COPS4: variants seen among roughly 807,000 people sequenced by gnomAD.
The protein encoded by COPS4 is COP9 signalosome subunit 4, also known as COP9 signalosome complex subunit 4.
A neutral mutation model predicts 55.1 loss-of-function variants in COPS4; 8 were observed. The observed-to-expected ratio is 0.15, with a 90% confidence interval of 0.09 to 0.26. COPS4 has a LOEUF of 0.26. COPS4 is among the 10% of genes least tolerant of loss of function. COPS4 has a pLI of 1.00. For missense variants in COPS4, 248 were observed against 484.0 expected (o/e 0.51, Z 4.58); for synonymous variants, 185 against 165.7 (o/e 1.12, Z -0.90).
chr4:83,053,516 C>G (rs1730939202), intron 4 of COPS4, among the ~76,000 whole-genome samples: 1 of 151,952 alleles, frequency 6.6e-6, no homozygotes, highest in Admixed American at 6.6e-5. Flanking sequence ...GTTTGAGATA[C>G]TAGAGAAAAT....
At position 83,075,530 on chromosome 4, in the gene COPS4, A is replaced by G. The variant is rs1188220889; in HGVS notation, c.*100A>G. ...TTGCATCATGACCTTATACATTTCA[A>G]TCCCTTTTATGCTGGATTCCGTTTA... On this transcript the variant is annotated 3_prime_UTR_variant, in exon 10 of 10. Coordinates refer to ENST00000264389, the MANE Select transcript of COPS4 (RefSeq NM_016129.3). 1.5e-6 allele frequency: 2 copies of G among 1,330,376 alleles called. No individual in the cohort carries two copies. The highest frequency in any genetic ancestry group is 2.1e-6 in the Non-Finnish European group (2 of 960,498). The allele number at this position is 1,330,376 out of a possible 1,614,324, so 82.4% of individuals were successfully genotyped here.
At chr4:83,071,425 A>AT (rs200990181) in intron 9 of COPS4, among the ~76,000 whole-genome samples, 67 of 151,320 alleles carry the variant, frequency 4.4e-4, no homozygotes, top group Admixed American at 1.1e-3. Context: ...TGTTATAATG[A>AT]TTTTTTTTTC....
At chr4:83,062,602 C>T (rs2868742) in intron 6 of COPS4, among the ~76,000 whole-genome samples, 151,626 of 152,320 alleles carry the variant, frequency 1, 75,467 homozygotes, top group Middle Eastern at 1. Flanking sequence ...TTTCACACTT[C>T]CGTTCTGTTA....
intron 6 of COPS4, among the ~76,000 whole-genome samples, chr4:83,058,987 G>C (rs1047584495): frequency 2.6e-5 from 4 of 152,150 alleles, no homozygotes; most frequent in South Asian, 2.1e-4. Context: ...TCTGGTAGAT[G>C]AAAAACAGTA....
rs766053246 is a variant in COPS4 at position 83,063,152 on chromosome 4, A to G, written c.792A>G (p.Leu264=). 98 of 1,611,926 alleles carry G rather than the reference A, an allele frequency of 6.1e-5. No homozygotes were observed. Among genetic ancestry groups the G allele is most frequent in the Non-Finnish European group, 8.0e-5 (94 of 1,179,326 alleles). ...AGCAACTTGCTGCCTATGGGATCCT[A>G]GAGAAAATGTATCTAGATAGGATCA... is the stretch of plus-strand genomic sequence containing the variant. The part of the protein sequence containing the change: ...RCQQLAAYGI[L]EKMYLDRIIR... The change falls in exon 7 of 10, where the codon CTA becomes CTG. Residue 264 remains leucine, a synonymous_variant. Transcript: ENST00000264389.
At chr4:83,041,150 C>G (rs140874549) in intron 1 of COPS4, among the ~76,000 whole-genome samples, 2,597 of 151,048 alleles carry the variant, frequency 0.017, 30 homozygotes, top group Non-Finnish European at 0.023. Context: ...GCAATCTCCA[C>G]CTCCCGGGTT....
At position 83,035,517 on chromosome 4, in the gene COPS4, T is replaced by C; in HGVS notation, c.74+219T>C. ...CTTCGAGGCTATAGACTTGAAATGA[T>C]TGTCAGCTTGTTCAGTTCTTGATAG... is the stretch of plus-strand genomic sequence containing the variant. On this transcript the variant is annotated intron_variant, in intron 1 of 9. Transcript: ENST00000264389. 1.9e-5 allele frequency: 7 copies of C among 375,304 alleles called. No individual in the cohort carries two copies. The East Asian group carries it at 3.4e-4, about 18-fold the overall frequency. The allele number at this position is 375,304 out of a possible 1,614,324, so 23.2% of individuals were successfully genotyped here.
chr4:83,058,095 G>A lies in COPS4; in HGVS notation c.715+687G>A, dbSNP rs116764614. Among the ~76,000 whole-genome samples the A allele has an allele frequency of 7.1e-3, 1,070 of 150,930 alleles. 15 individuals are homozygous for A. The highest frequency in any genetic ancestry group is 0.01 in the Middle Eastern group (3 of 292). ...TTGGGTTTTTTTTTTTAACCTTCAA[G>A]CCTTAGTTTTAGACCTGGCATTTAT... On this transcript the variant is annotated intron_variant, in intron 6 of 9. Coordinates refer to ENST00000264389, the MANE Select transcript of COPS4 (RefSeq NM_016129.3).
chr4:83,037,038 G>T (rs1300786483), intron 1 of COPS4, among the ~76,000 whole-genome samples: 1 of 152,124 alleles, frequency 6.6e-6, no homozygotes, highest in Admixed American at 6.5e-5. Flanking sequence ...GGATTCTATG[G>T]GTTGACTGGA....
At chr4:83,046,528 A>G (rs1211053527) in intron 2 of COPS4, among the ~76,000 whole-genome samples, 1 of 152,232 alleles carries the variant, frequency 6.6e-6, no homozygotes, top group East Asian at 1.9e-4. Context: ...GAAGGCATGG[A>G]CTTAACTTAT....
At chr4:83,041,068 GTT>G (rs943826847) in intron 1 of COPS4, among the ~76,000 whole-genome samples, 2 of 133,002 alleles carry the variant, frequency 1.5e-5, no homozygotes, top group Admixed American at 7.5e-5. Context: ...TTTGTTTTTT[GTT>G]TTTTTTTTTT....
intron 6 of COPS4, among the ~76,000 whole-genome samples, chr4:83,061,220 A>G (rs939717152): frequency 2.0e-5 from 3 of 151,654 alleles, no homozygotes; most frequent in Non-Finnish European, 2.9e-5. Context: ...TGATATGTAC[A>G]CAGGAAAAGT....
intron 6 of COPS4, 164 bp from the exon 7 acceptor site, chr4:83,062,912 A>T (rs922432455): frequency 3.7e-6 from 2 of 542,164 alleles, no homozygotes; most frequent in Non-Finnish European, 6.3e-6. Flanking sequence ...TTAGTGTTTG[A>T]TAATTCAGCG....
chr4:83,055,042 C>T (rs1325864631), intron 4 of COPS4, among the ~76,000 whole-genome samples: 6 of 152,188 alleles, frequency 3.9e-5, no homozygotes, highest in Admixed American at 3.9e-4. Flanking sequence ...AATAAATTTG[C>T]ATAAATTTCT....
chr4:83,073,531 G>C (rs1467125435), intron 9 of COPS4, among the ~76,000 whole-genome samples: 1 of 152,004 alleles, frequency 6.6e-6, no homozygotes, highest in African/African-American at 2.4e-5. Flanking sequence ...AAAAAAAGGG[G>C]GATTGTCTTT....
At chr4:83,044,351 A>G (rs1730646628) in intron 1 of COPS4, among the ~76,000 whole-genome samples, 1 of 150,670 alleles carries the variant, frequency 6.6e-6, no homozygotes, top group African/African-American at 2.4e-5. Flanking sequence ...AGGCTGAGGC[A>G]GGAGAATTGC....
At chr4:83,072,154 G>A (rs963420749) in intron 9 of COPS4, among the ~76,000 whole-genome samples, 5 of 151,486 alleles carry the variant, frequency 3.3e-5, no homozygotes, top group Non-Finnish European at 7.4e-5. Context: ...GCTCAATCTC[G>A]GTTGACCACA....
chr4:83,057,951 A>G (rs1364814406), intron 6 of COPS4, among the ~76,000 whole-genome samples: 2 of 151,396 alleles, frequency 1.3e-5, no homozygotes, highest in African/African-American at 4.8e-5. Flanking sequence ...AATAGTTAAA[A>G]GAGATAATAT....
At chr4:83,071,782 G>T (rs1438764000) in intron 9 of COPS4, among the ~76,000 whole-genome samples, 1 of 151,932 alleles carries the variant, frequency 6.6e-6, no homozygotes, top group Non-Finnish European at 1.5e-5. Flanking sequence ...CGCAATCTCG[G>T]CTCACTGCAA....
Sources: allele counts gnomAD v4.1 joint callset (sites outside exome capture counted in the v4.1 genomes callset), GRCh38; gene constraint gnomAD v4.1.1; transcripts MANE v1.5; gene names NCBI Gene and HGNC (gene_info 2026-07-23, HGNC 2026-07-21).